Variants in RBFOX3 observed in about 807,000 individuals in gnomAD.
RBFOX3 encodes the protein RNA binding protein fox-1 homolog 3.
Under a neutral mutation model 48.7 loss-of-function variants are expected in RBFOX3, and 17 were observed. The ratio of observed to expected loss-of-function variants is 0.35; its 90% CI spans 0.24 to 0.52. The LOEUF is 0.52. RBFOX3 is among the 20% of genes least tolerant of loss of function. RBFOX3 has a pLI of 0.94. For synonymous variants in RBFOX3, 212 were observed against 209.5 expected (o/e 1.01, Z -0.10); for missense variants, 382 against 497.5 (o/e 0.77, Z 2.21).
In RBFOX3 at chr17:79,480,795, C is replaced by T. The variant is rs1172618409; in HGVS notation, c.-175+1659G>A. On this transcript the variant is annotated intron_variant, in intron 2 of 14. Transcript: ENST00000693108. The surrounding 1 kb of genome is among the most constrained non-coding windows in gnomAD (Gnocchi z 4.8). ...CTGTCCTGGGCAACTGCAGCCCCCA[C>T]CATTCCCCGTGGTCTTAATGCACTG... Among the ~76,000 whole-genome samples, 1 of 152,250 alleles carries T rather than the reference C, an allele frequency of 6.6e-6. No homozygotes were observed. The highest frequency in any genetic ancestry group is 1.5e-5 in the Non-Finnish European group (1 of 68,046).
chr17:79,654,798 C>T, the RBFOX3 span, among the ~76,000 whole-genome samples: 1 of 152,112 alleles, frequency 6.6e-6, no homozygotes, highest in South Asian at 2.1e-4. Context: ...CCTTCAGAGC[C>T]AACGTAAAAT....
At chr17:79,289,286 C>G (rs9897367) in intron 3 of RBFOX3, among the ~76,000 whole-genome samples, 87,872 of 152,126 alleles carry the variant, frequency 0.58, 25,606 homozygotes, top group African/African-American at 0.63. Context: ...TCCCTTCAAG[C>G]CAGAGAGATG....
intron 5 of RBFOX3, among the ~76,000 whole-genome samples, chr17:79,108,195 G>A (rs761792588): frequency 5.3e-5 from 8 of 152,364 alleles, no homozygotes; most frequent in Non-Finnish European, 7.3e-5. Context: ...GACGCCAGCC[G>A]AAGGTAGGAG....
chr17:79,636,490 AAG>A, the RBFOX3 span, among the ~76,000 whole-genome samples: 2 of 152,272 alleles, frequency 1.3e-5, no homozygotes, highest in South Asian at 2.1e-4. Flanking sequence ...AAATTGTTTT[AAG>A]AGAGATTTTT....
At chr17:79,305,418 A>G (rs899487552) in intron 3 of RBFOX3, among the ~76,000 whole-genome samples, 2 of 152,202 alleles carry the variant, frequency 1.3e-5, no homozygotes, top group Non-Finnish European at 2.9e-5. Context: ...AAAAATCAAG[A>G]CGACGCACAG....
intron 13 of RBFOX3, 63 bp downstream of exon 13, chr17:79,095,450 C>G: frequency 6.9e-7 from 1 of 1,457,774 alleles, no homozygotes; most frequent in Non-Finnish European, 9.4e-7. Flanking sequence ...GCCCAGCTCC[C>G]CAGGGATCCT....
chr17:79,435,406 A>G (rs1422313114), intron 2 of RBFOX3, among the ~76,000 whole-genome samples: 1 of 152,224 alleles, frequency 6.6e-6, no homozygotes, highest in African/African-American at 2.4e-5. Context: ...AGGCTGCCAG[A>G]GCTGATTCCA....
At chr17:79,202,780 G>A (rs550593676) in intron 4 of RBFOX3, among the ~76,000 whole-genome samples, 19 of 152,358 alleles carry the variant, frequency 1.2e-4, no homozygotes, top group African/African-American at 4.3e-4. Context: ...TTACTGCCAC[G>A]TGGGACTCCT....
intron 2 of RBFOX3, among the ~76,000 whole-genome samples, chr17:79,393,751 C>T (rs1345155261): frequency 6.6e-6 from 1 of 151,282 alleles, no homozygotes; most frequent in Non-Finnish European, 1.5e-5. Context: ...GGTCATCACG[C>T]ACATCAGAGC....
At chr17:79,579,040 C>T (rs2092956133) in intron 1 of RBFOX3, among the ~76,000 whole-genome samples, 2 of 152,230 alleles carry the variant, frequency 1.3e-5, no homozygotes, top group African/African-American at 4.8e-5. Context: ...TGGTCCATCT[C>T]CCATGCGTCT....
At position 79,254,497 on chromosome 17, in the gene RBFOX3, T is replaced by C. The variant is rs1026192341; in HGVS notation, c.-73-18692A>G. Among the ~76,000 whole-genome samples the C allele has an allele frequency of 2.6e-5, 4 of 152,010 alleles. No homozygotes were observed. Among genetic ancestry groups the C allele is most frequent in the Non-Finnish European group, 4.4e-5 (3 of 67,998 alleles). On this transcript the variant is annotated intron_variant, in intron 3 of 14. Transcript: ENST00000693108. This position sits in a 1 kb window ranked among gnomAD's most constrained non-coding sequence, Gnocchi z 4.8. ...TCTGAACATAGATGGAGGGAAGCCC[T>C]TGAGTTGCTAAGCCTGTAGGTGACC...
rs2066444190 is a variant in RBFOX3 at position 79,421,832 on chromosome 17, G to A, written c.-175+60622C>T. Among the ~76,000 whole-genome samples, 1 of 152,136 alleles carries A rather than the reference G, an allele frequency of 6.6e-6. No individual in the cohort carries two copies. On this transcript the variant is annotated intron_variant, in intron 2 of 14. Transcript: ENST00000693108. This position sits in a 1 kb window ranked among gnomAD's most constrained non-coding sequence, Gnocchi z 4.5. ...GAGAGAAGGGGAAGGAAGTGATCAGGTGCCGGAAGGCCCCGTGAGGGTGGC... is the reference window on the plus strand; with the variant it reads ...GAGAGAAGGGGAAGGAAGTGATCAGATGCCGGAAGGCCCCGTGAGGGTGGC...
At chr17:79,381,077 C>T (rs555357972) in intron 2 of RBFOX3, among the ~76,000 whole-genome samples, 1 of 152,114 alleles carries the variant, frequency 6.6e-6, no homozygotes, top group Non-Finnish European at 1.5e-5. Flanking sequence ...CTAACTAACA[C>T]GGTGAAACCC....
chr17:79,521,885 T>C (rs996185866), intron 1 of RBFOX3, among the ~76,000 whole-genome samples: 3 of 152,254 alleles, frequency 2.0e-5, no homozygotes, highest in Admixed American at 2.0e-4. Flanking sequence ...TAGATAACTG[T>C]GTAGCCTAAC....
chr17:79,283,749 G>C (rs2071171160), intron 3 of RBFOX3, among the ~76,000 whole-genome samples: 1 of 152,214 alleles, frequency 6.6e-6, no homozygotes, highest in African/African-American at 2.4e-5. Context: ...ATGCAGAGCG[G>C]TTAGTGGCTG....
Position 79,101,029 on chromosome 17 carries a change from G to A in RBFOX3, c.568+555C>T, listed in dbSNP as rs544821443. On this transcript the variant is annotated intron_variant, in intron 9 of 14. Coordinates refer to ENST00000693108, the MANE Select transcript of RBFOX3 (RefSeq NM_001350451.2). The stretch of plus-strand genomic sequence containing the variant: ...CCGAAATCTGAGCACCTCCCCCCGG[G>A]CCCTTCCTCATGGTGCTTAAAGGTG... 8.5e-5 allele frequency among the ~76,000 whole-genome samples: 13 copies of A among 152,282 alleles called. No individual in the cohort carries two copies. The South Asian group carries it at 2.1e-3, about 24-fold the overall frequency.
chr17:79,326,059 C>T (rs538256162), intron 2 of RBFOX3, among the ~76,000 whole-genome samples: 1 of 152,318 alleles, frequency 6.6e-6, no homozygotes, highest in East Asian at 1.9e-4. Context: ...TTTCCTACCA[C>T]CGAAAGGCGC....
intron 1 of RBFOX3, among the ~76,000 whole-genome samples, chr17:79,609,055 C>G (rs2145528006): frequency 6.6e-6 from 1 of 152,316 alleles, no homozygotes; most frequent in African/African-American, 2.4e-5. Flanking sequence ...TCTCTCCCCT[C>G]ACAATTTTTG....
chr17:79,602,848 G>T (rs1467305284), intron 1 of RBFOX3, among the ~76,000 whole-genome samples: 1 of 152,292 alleles, frequency 6.6e-6, no homozygotes, highest in South Asian at 2.1e-4. Context: ...GGGGAGGGAG[G>T]CCATGATCCT....
Sources: gnomAD v4.1 joint callset for allele counts (sites outside exome capture counted in the v4.1 genomes callset) on GRCh38, gnomAD v4.1.1 for gene constraint, Gnocchi (gnomAD v3.1) non-coding constraint, MANE v1.5 for transcripts, NCBI Gene and HGNC (gene_info 2026-07-23, HGNC 2026-07-21) for gene names.